The following SNAPC1 variants were observed in gnomAD, a reference collection of about 807,000 sequenced individuals.
SNAPC1 encodes snRNA-activating protein complex subunit 1.
In SNAPC1, 42 loss-of-function variants were observed where a neutral mutation model predicts 50.1. The observed-to-expected ratio is 0.84, with a 90% CI of 0.65 to 1.08. SNAPC1 has a LOEUF of 1.08. SNAPC1 is among the 50% of genes least tolerant of loss of function. SNAPC1 has a pLI of 0.00. For missense variants in SNAPC1, 477 were observed against 427.3 expected (o/e 1.12, Z -1.02); for synonymous variants, 164 against 144.2 (o/e 1.14, Z -0.98).
intron 7 of SNAPC1, among the ~76,000 whole-genome samples, chr14:61,779,629 TAC>T (rs995217880): frequency 4.0e-5 from 6 of 151,852 alleles, no homozygotes; most frequent in African/African-American, 1.2e-4. Context: ...GGATATTAAC[TAC>T]AGTTTTTTTT....
chr14:61,784,463 TA>T (rs35720806), intron 8 of SNAPC1, among the ~76,000 whole-genome samples: 82 of 147,756 alleles, frequency 5.5e-4, no homozygotes, highest in East Asian at 1.6e-3. Flanking sequence ...ATTCTTGATT[TA>T]AAAAAAAAAA....
At chr14:61,776,492 G>T (rs2045036312) in intron 5 of SNAPC1, among the ~76,000 whole-genome samples, 2 of 151,584 alleles carry the variant, frequency 1.3e-5, no homozygotes, top group African/African-American at 2.4e-5. Context: ...AAATAATCTT[G>T]TTATACCTCA....
chr14:61,772,160 G>A (rs991937076), intron 4 of SNAPC1, among the ~76,000 whole-genome samples: 1 of 152,196 alleles, frequency 6.6e-6, no homozygotes, highest in East Asian at 1.9e-4. Flanking sequence ...GCAGTAGGGT[G>A]ATCGTAGCTC....
chr14:61,768,864 T>A (rs559016089), intron 4 of SNAPC1, 124 bp downstream of exon 4: 4 of 552,272 alleles, frequency 7.2e-6, no homozygotes, highest in Non-Finnish European at 1.3e-5. Flanking sequence ...TCTAGGATGC[T>A]ATTTCTCTAG....
chr14:61,778,144 A>G lies in SNAPC1; in HGVS notation c.762+4A>G. Reference sequence around the variant, plus strand: ...AGGAAATTCACAAGAAACGGAGGTCAGAAAACTTTGCAATTCATATTATGT... The same window carrying G: ...AGGAAATTCACAAGAAACGGAGGTCGGAAAACTTTGCAATTCATATTATGT... On this transcript the variant is annotated splice_donor_region_variant and intron_variant, in intron 6 of 9. Transcript: ENST00000216294. The G allele has an allele frequency of 6.3e-7, 1 of 1,588,460 alleles. No homozygotes were observed. The highest frequency in any genetic ancestry group is 8.6e-7 in the Non-Finnish European group (1 of 1,161,738).
chr14:61,767,448 G>T, intron 3 of SNAPC1, 96 bp downstream of exon 3: 3 of 719,660 alleles, frequency 4.2e-6, no homozygotes, highest in Non-Finnish European at 2.0e-6. Flanking sequence ...AATAAGTATT[G>T]ATAGTGTTCA....
intron 8 of SNAPC1, among the ~76,000 whole-genome samples, chr14:61,791,080 C>T (rs1203228155): frequency 1.3e-5 from 2 of 152,130 alleles, no homozygotes; most frequent in African/African-American, 2.4e-5. Context: ...GGCGCGATCT[C>T]GGCTCACTGC....
intron 7 of SNAPC1, among the ~76,000 whole-genome samples, chr14:61,781,540 A>G (rs1313135543): frequency 6.6e-6 from 1 of 152,112 alleles, no homozygotes; most frequent in Non-Finnish European, 1.5e-5. Context: ...TGCTTAAGCA[A>G]GTAAGGGAAT....
chr14:61,770,477 C>G (rs1280264477), intron 4 of SNAPC1, among the ~76,000 whole-genome samples: 1 of 152,082 alleles, frequency 6.6e-6, no homozygotes, highest in Admixed American at 6.6e-5. Flanking sequence ...CTCCTGGCCT[C>G]AAGCGATCTG....
In SNAPC1 at chr14:61,762,566, A is replaced by G. The variant is rs769605474; in HGVS notation, c.106A>G (p.Met36Val). ...FEDFTELWRN[M>V]KFGTIFCGRM... Reference sequence around the variant, plus strand: ...GGACTTCACGGAGCTCTGGAGAAACATGAAGTTCGGGACTATCTTCTGGTG... The same window carrying G: ...GGACTTCACGGAGCTCTGGAGAAACGTGAAGTTCGGGACTATCTTCTGGTG... The change falls in exon 1 of 10, where the codon ATG becomes GTG. Residue 36 changes from methionine (M) to valine (V), a missense_variant. Physicochemically the swap from Met to Val is conservative, Grantham distance 21 (BLOSUM62 1). Transcript: ENST00000216294. 3.7e-6 allele frequency: 6 copies of G among 1,612,520 alleles called. No homozygotes were observed. Among genetic ancestry groups the G allele is most frequent in the Middle Eastern group, 1.6e-4 (1 of 6,084 alleles).
At chr14:61,794,697 T>A (rs559861702) in intron 9 of SNAPC1, among the ~76,000 whole-genome samples, 1 of 152,182 alleles carries the variant, frequency 6.6e-6, no homozygotes, top group African/African-American at 2.4e-5. Flanking sequence ...CGTGAGCCAC[T>A]GCACCTGGCC....
intron 1 of SNAPC1, among the ~76,000 whole-genome samples, chr14:61,764,858 A>G (rs1322093160): frequency 1.3e-5 from 2 of 152,114 alleles, no homozygotes. Flanking sequence ...TTATTTGAAG[A>G]CCCAAAATGT....
At chr14:61,779,284 A>C (rs2045055198) in intron 7 of SNAPC1, among the ~76,000 whole-genome samples, 1 of 152,084 alleles carries the variant, frequency 6.6e-6, no homozygotes, top group African/African-American at 2.4e-5. Context: ...TTTTTTGTTT[A>C]TTGCCCTTGG....
Position 61,783,599 on chromosome 14 carries a change from G to A in SNAPC1, c.976+1202G>A, listed in dbSNP as rs553202719. On this transcript the variant is annotated intron_variant, in intron 8 of 9. Transcript: ENST00000216294. ...TGCCCAGGCTGAAGTGCAGTGGCGC[G>A]ATCTCGGCTCACTGCAACCTCTGCC... 2.1e-3 allele frequency among the ~76,000 whole-genome samples: 303 copies of A among 142,020 alleles called. 1 individual carries two copies. The highest frequency in any genetic ancestry group is 7.6e-3 in the African/African-American group (289 of 38,224). 93.2% of individuals were successfully genotyped at this position (142,020 alleles called of 152,430 possible). A position where few individuals can be genotyped will look rare whatever the true frequency, so the allele number is the denominator to read the frequency against.
intron 1 of SNAPC1, among the ~76,000 whole-genome samples, chr14:61,763,645 A>G (rs1324164490): frequency 2.0e-5 from 3 of 152,076 alleles, no homozygotes; most frequent in African/African-American, 7.2e-5. Flanking sequence ...TAGACTGAGT[A>G]CGCTGTTCAT....
intron 2 of SNAPC1, 86 bp downstream of exon 2, chr14:61,767,121 A>G: frequency 2.7e-6 from 3 of 1,106,024 alleles, no homozygotes; most frequent in South Asian, 2.8e-5. Context: ...ATTAAATATG[A>G]TTTAAATAAA....
At chr14:61,767,474 T>C in intron 3 of SNAPC1, 122 bp downstream of exon 3, 1 of 587,984 alleles carries the variant, frequency 1.7e-6, no homozygotes, top group Admixed American at 4.3e-5. Flanking sequence ...TTTAGCTTTT[T>C]TTTTTTTTAG....
chr14:61,783,132 C>T (rs8007823), intron 8 of SNAPC1, among the ~76,000 whole-genome samples: 22,096 of 149,504 alleles, frequency 0.15, 1,950 homozygotes, highest in South Asian at 0.32. Context: ...AAGCAATTCT[C>T]CTGCCTCAGC....
At chr14:61,769,295 G>A (rs1160030524) in intron 4 of SNAPC1, among the ~76,000 whole-genome samples, 2 of 151,808 alleles carry the variant, frequency 1.3e-5, no homozygotes, top group Non-Finnish European at 2.9e-5. Context: ...GGTAGAGGTT[G>A]CAGTGAGCTG....
Sources: allele counts gnomAD v4.1 joint callset (sites outside exome capture counted in the v4.1 genomes callset), GRCh38; gene constraint gnomAD v4.1.1; transcripts MANE v1.5; gene names NCBI Gene and HGNC (gene_info 2026-07-23, HGNC 2026-07-21).